VPS13B: variants seen among roughly 807,000 people sequenced by gnomAD.
VPS13B encodes vacuolar protein sorting 13 homolog B, also known as intermembrane lipid transfer protein VPS13B.
In VPS13B, 285 loss-of-function variants were observed where a neutral mutation model predicts 426.4. The ratio of observed to expected loss-of-function variants is 0.67; its 90% CI spans 0.61 to 0.74. The LOEUF is 0.74. VPS13B is among the 30% of genes least tolerant of loss of function. VPS13B has a pLI of 0.00. For missense variants in VPS13B, 4,537 were observed against 4,782.6 expected (o/e 0.95, Z 1.51); for synonymous variants, 1,676 against 1,676.4 (o/e 1.00, Z 0.01).
chr8:99,025,491 A>C (rs1842088197), intron 2 of VPS13B, among the ~76,000 whole-genome samples: 1 of 152,086 alleles, frequency 6.6e-6, no homozygotes, highest in South Asian at 2.1e-4. Context: ...AGGATTTTGC[A>C]TCTATGTTCA....
chr8:99,627,819 G>T (rs1290122617), intron 33 of VPS13B, among the ~76,000 whole-genome samples: 1 of 152,198 alleles, frequency 6.6e-6, no homozygotes, highest in Admixed American at 6.5e-5. Context: ...AGCATGGGCT[G>T]TGTTGCCCTC....
chr8:99,832,340 C>CATTTTTT, intron 51 of VPS13B, 29 bp from the exon 52 acceptor site: 1 of 1,292,318 alleles, frequency 7.7e-7, no homozygotes, highest in Non-Finnish European at 1.0e-6. Flanking sequence ...GTGCTCTCTG[C>CATTTTTT]ATTTTTTTTT....
chr8:99,330,386 A>C (rs1565581), intron 19 of VPS13B, among the ~76,000 whole-genome samples: 108,590 of 151,540 alleles, frequency 0.72, 39,938 homozygotes, highest in South Asian at 0.87. Context: ...TTGGATGAGA[A>C]AGGGGAATTC....
chr8:99,079,954 A>T (rs1013146380), intron 3 of VPS13B, among the ~76,000 whole-genome samples: 10 of 151,344 alleles, frequency 6.6e-5, no homozygotes, highest in East Asian at 1.9e-4. Flanking sequence ...TTTTCATTTT[A>T]AAAAAATTGC....
intron 21 of VPS13B, among the ~76,000 whole-genome samples, chr8:99,400,117 G>A (rs890746436): frequency 1.3e-5 from 2 of 152,120 alleles, no homozygotes; most frequent in African/African-American, 4.8e-5. Context: ...AATTTTCTCA[G>A]AAGAGAAAGC....
At chr8:99,468,435 A>T (rs1056559323) in intron 24 of VPS13B, among the ~76,000 whole-genome samples, 29 of 152,136 alleles carry the variant, frequency 1.9e-4, no homozygotes, top group East Asian at 1.5e-3. Context: ...TTTTCTTTTT[A>T]AAAATATTAT....
intron 30 of VPS13B, chr8:99,536,833 C>T (rs749432375): frequency 7.9e-6 from 4 of 506,458 alleles, no homozygotes; most frequent in African/African-American, 5.8e-5. Context: ...TTAAGAACAC[C>T]TGATAAAACT....
At chr8:99,285,070 A>T (rs1243393232) in intron 19 of VPS13B, among the ~76,000 whole-genome samples, 3 of 152,166 alleles carry the variant, frequency 2.0e-5, no homozygotes, top group Non-Finnish European at 4.4e-5. Flanking sequence ...TTCCTTCCTT[A>T]ATCTCAACAT....
At chr8:99,188,536 C>G (rs982134551) in intron 16 of VPS13B, among the ~76,000 whole-genome samples, 1 of 152,152 alleles carries the variant, frequency 6.6e-6, no homozygotes, top group Non-Finnish European at 1.5e-5. Flanking sequence ...AATGAACATT[C>G]TTGTGCAATT....
At chr8:99,026,953 T>A (rs1842172180) in intron 2 of VPS13B, among the ~76,000 whole-genome samples, 1 of 152,152 alleles carries the variant, frequency 6.6e-6, no homozygotes, top group South Asian at 2.1e-4. Flanking sequence ...CTTGGCTCAC[T>A]GCAAACTCTG....
intron 3 of VPS13B, among the ~76,000 whole-genome samples, chr8:99,061,362 G>A (rs930051362): frequency 6.2e-5 from 8 of 129,124 alleles, no homozygotes; most frequent in African/African-American, 2.1e-4. Flanking sequence ...TGAGATGTCT[G>A]GTATTTAGAA....
intron 33 of VPS13B, among the ~76,000 whole-genome samples, chr8:99,578,236 C>T (rs914449539): frequency 2.6e-5 from 4 of 152,108 alleles, no homozygotes; most frequent in Non-Finnish European, 5.9e-5. Context: ...TTCCACATTT[C>T]TCTAACATTC....
At chr8:99,351,435 A>AGTGTGTGT (rs1024531389) in intron 19 of VPS13B, among the ~76,000 whole-genome samples, 120 of 145,750 alleles carry the variant, frequency 8.2e-4, no homozygotes, top group African/African-American at 2.7e-3. Context: ...AGAGAGAGAG[A>AGTGTGTGT]GTGTGTGTGT....
intron 29 of VPS13B, among the ~76,000 whole-genome samples, chr8:99,520,515 A>G (rs149584259): frequency 1.4e-3 from 218 of 152,046 alleles, no homozygotes; most frequent in African/African-American, 5.1e-3. Context: ...ATATATTTGT[A>G]GACAACAATG....
At chr8:99,074,402 T>C (rs1189544438) in intron 3 of VPS13B, among the ~76,000 whole-genome samples, 2 of 151,216 alleles carry the variant, frequency 1.3e-5, no homozygotes, top group Admixed American at 1.3e-4. Flanking sequence ...CTTAAGTAAA[T>C]CCTACCTGAT....
At chr8:99,288,356 CAT>C (rs1442903481) in intron 19 of VPS13B, among the ~76,000 whole-genome samples, 2 of 151,968 alleles carry the variant, frequency 1.3e-5, no homozygotes, top group African/African-American at 4.8e-5. Context: ...TTTCTGCAAA[CAT>C]AATAGATATT....
In VPS13B at chr8:99,455,981, G is replaced by T. The variant is rs566540597; in HGVS notation, c.3446-11433G>T. ...GATCATTGATAGAGTCTTTAGAGTG[G>T]AATTTTTGGGTTGAATGGTAAATTT... On this transcript the variant is annotated intron_variant, in intron 23 of 61. Coordinates refer to ENST00000357162, the MANE Select transcript of VPS13B (RefSeq NM_152564.5). Among the ~76,000 whole-genome samples the T allele has an allele frequency of 2.0e-5, 3 of 152,266 alleles. No individual in the cohort carries two copies. In the South Asian group the frequency reaches 6.2e-4, roughly 32 times the overall value.
intron 33 of VPS13B, among the ~76,000 whole-genome samples, chr8:99,582,620 T>A (rs907717975): frequency 1.3e-5 from 2 of 152,194 alleles, no homozygotes; most frequent in African/African-American, 4.8e-5. Context: ...CTTGTCATTT[T>A]ACTATTGAAG....
At chr8:99,611,684 A>G (rs958718505) in intron 33 of VPS13B, among the ~76,000 whole-genome samples, 1 of 152,004 alleles carries the variant, frequency 6.6e-6, no homozygotes. Flanking sequence ...TTTGATAACA[A>G]GGATTGTTTT....
Sources: gnomAD v4.1 joint callset for allele counts (sites outside exome capture counted in the v4.1 genomes callset) on GRCh38, gnomAD v4.1.1 for gene constraint, MANE v1.5 for transcripts, NCBI Gene and HGNC (gene_info 2026-07-23, HGNC 2026-07-21) for gene names.